Variants in MYH15 observed in about 807,000 individuals in gnomAD.
MYH15 encodes the protein myosin-15.
In MYH15, 227 loss-of-function variants were observed where a neutral mutation model predicts 240.5. That is an observed-to-expected ratio of 0.94 (90% confidence interval 0.85 to 1.05). The LOEUF is 1.05. MYH15 is among the 50% of genes least tolerant of loss of function. The probability of loss-of-function intolerance (pLI) is 0.00; values close to 1 mark genes in which losing one functional copy is unlikely to be tolerated. For synonymous variants in MYH15, 785 were observed against 796.7 expected (o/e 0.99, Z 0.25); for missense variants, 2,217 against 2,247.5 (o/e 0.99, Z 0.27).
In MYH15 at chr3:108,493,134, G is replaced by A. The variant is rs748097818; in HGVS notation, c.755C>T (p.Ser252Leu). The A allele has an allele frequency of 6.8e-6, 11 of 1,614,016 alleles. No individual in the cohort carries two copies. Among genetic ancestry groups the A allele is most frequent in the Non-Finnish European group, 8.5e-6 (10 of 1,179,992 alleles). The stretch of plus-strand genomic sequence containing the variant: ...CTTACAGATATCAATGTCCACAGAT[G>A]ACAGCATGCCTCTGGCACCAAAGTG... The part of the protein sequence containing the change: ...RMHFGARGML[S>L]SVDIDIYLLE... Residue 252 changes from serine to leucine, a missense_variant, in exon 8 of 41, where the codon TCA becomes TTA. Coordinates refer to ENST00000693548, the MANE Select transcript of MYH15 (RefSeq NM_014981.3).
chr3:108,394,245 C>T, intron 35 of MYH15, 89 bp from the exon 36 acceptor site: 1 of 1,550,782 alleles, frequency 6.4e-7, no homozygotes, highest in Non-Finnish European at 8.8e-7. Context: ...TGGGAGTCAG[C>T]TCTGGCCAGA....
rs771580922 is a variant in MYH15 at position 108,410,913 on chromosome 3, A to G, written c.4165T>C (p.Leu1389=). The G allele has an allele frequency of 6.2e-7, 1 of 1,602,236 alleles. No homozygotes were observed. The highest frequency in any genetic ancestry group is 8.5e-7 in the Non-Finnish European group (1 of 1,170,720). ...EDAKKELAIR[L]QEAAEAMGVA... ...CCCATGGCTTCGGCTGCCTCCTGCAATCTAATTGCCAGTTCCTTCCTGAGA... is the reference window on the plus strand; with the variant it reads ...CCCATGGCTTCGGCTGCCTCCTGCAGTCTAATTGCCAGTTCCTTCCTGAGA... Residue 1389 remains leucine (L), a synonymous_variant, in exon 31 of 41, where the codon TTG becomes CTG. Transcript: ENST00000693548.
At chr3:108,500,786 C>T (rs540956276) in intron 3 of MYH15, among the ~76,000 whole-genome samples, 37 of 152,230 alleles carry the variant, frequency 2.4e-4, no homozygotes, top group African/African-American at 7.5e-4. Flanking sequence ...AATGTAATTA[C>T]AGGTTAAGGG....
chr3:108,381,418 G>C lies in MYH15; in HGVS notation c.*127C>G. 9.2e-7 allele frequency: 1 copy of C among 1,085,506 alleles called. No individual in the cohort carries two copies. Among genetic ancestry groups the C allele is most frequent in the South Asian group, 1.3e-5 (1 of 78,076 alleles). 67.2% of individuals were successfully genotyped at this position (1,085,506 alleles called of 1,614,324 possible). On this transcript the variant is annotated 3_prime_UTR_variant, in exon 41 of 41. Coordinates refer to ENST00000693548, the MANE Select transcript of MYH15 (RefSeq NM_014981.3). ...CTTTAATTATTTTTCTAATTGCCTT[G>C]TTTATATGGTGTGAAAAGCAATTTA...
intron 29 of MYH15, 30 bp from the exon 30 acceptor site, chr3:108,414,458 C>A: frequency 6.4e-7 from 1 of 1,574,596 alleles, no homozygotes; most frequent in South Asian, 1.1e-5. Context: ...ACAAAAAGGT[C>A]ATGACCACCA....
rs187218353 is a variant in MYH15 at position 108,399,103 on chromosome 3, G to T, written c.4901C>A (p.Ser1634Tyr). 45 of 1,614,056 alleles carry T rather than the reference G, an allele frequency of 2.8e-5. No individual in the cohort carries two copies. The East Asian group carries it at 9.8e-4, about 35-fold the overall frequency. The change falls in exon 34 of 41, where the codon TCC becomes TAC. Residue 1634 changes from serine to tyrosine, a missense_variant. By Grantham distance (144) the Ser-to-Tyr change is moderately radical (BLOSUM62 -2). Transcript: ENST00000693548. Reference sequence around the variant, plus strand: ...GATTTGAATCTGAAGCTGGCCCAGGGATTTGGTTGCTTCTGACACCTGCCG... The same window carrying T: ...GATTTGAATCTGAAGCTGGCCCAGGTATTTGGTTGCTTCTGACACCTGCCG... Reference protein sequence around the residue: ...ANRQVSEATKSLGQLQIQIKD... With the variant: ...ANRQVSEATKYLGQLQIQIKD...
At chr3:108,457,148 A>ATTGCTT (rs2083029214) in intron 18 of MYH15, among the ~76,000 whole-genome samples, 1 of 152,176 alleles carries the variant, frequency 6.6e-6, no homozygotes, top group Non-Finnish European at 1.5e-5. Context: ...AGATGTTTAT[A>ATTGCTT]AGCAAATATT....
Position 108,398,656 on chromosome 3 carries a change from A to G in MYH15, c.5114T>C (p.Ile1705Thr). ...CCCCACCTGGGTATAGAAAAGATTG[A>G]TTCTTTCTGTTGCTTCCAGGAGCTC... ...EEELLEATER[I>T]NLFYTQNTSL... The change falls in exon 35 of 41, where the codon ATC (isoleucine) becomes ACC (threonine). Residue 1705 changes from isoleucine to threonine, a missense_variant. Transcript: ENST00000693548. 6.2e-7 allele frequency: 1 copy of G among 1,613,322 alleles called. No individual in the cohort carries two copies. Among genetic ancestry groups the G allele is most frequent in the East Asian group, 2.2e-5 (1 of 44,874 alleles).
intron 2 of MYH15, among the ~76,000 whole-genome samples, chr3:108,504,509 C>A (rs2107242944): frequency 6.6e-6 from 1 of 152,132 alleles, no homozygotes; most frequent in East Asian, 1.9e-4. Context: ...TCGTAAATTG[C>A]CTAAAAACAA....
chr3:108,417,481 T>C (rs2082643669), intron 28 of MYH15, among the ~76,000 whole-genome samples: 1 of 152,120 alleles, frequency 6.6e-6, no homozygotes. Context: ...ACTTGTAAGA[T>C]GAAGATAACA....
At chr3:108,548,841 A>T in the MYH15 span, among the ~76,000 whole-genome samples, 1 of 152,130 alleles carries the variant, frequency 6.6e-6, no homozygotes, top group African/African-American at 2.4e-5. Context: ...GTGCTAACTC[A>T]TGACAGAATC....
chr3:108,514,087 C>A (rs1386591573), upstream of MYH15, among the ~76,000 whole-genome samples: 1 of 152,158 alleles, frequency 6.6e-6, no homozygotes, highest in Admixed American at 6.6e-5. Flanking sequence ...TTCCTCTTAG[C>A]CAAGAAAGAA....
At chr3:108,437,741 G>A (rs2082852934) in intron 24 of MYH15, 42 bp from the exon 25 acceptor site, 1 of 1,584,318 alleles carries the variant, frequency 6.3e-7, no homozygotes. Context: ...AATAGGTAGA[G>A]TTTATACTTC....
At chr3:108,391,026 C>T (rs986787158) in intron 37 of MYH15, among the ~76,000 whole-genome samples, 6 of 152,126 alleles carry the variant, frequency 3.9e-5, no homozygotes, top group African/African-American at 1.4e-4. Context: ...ATACGCTTTC[C>T]ACATTGCCCT....
intron 2 of MYH15, among the ~76,000 whole-genome samples, chr3:108,505,111 C>A (rs939358396): frequency 6.6e-6 from 1 of 152,106 alleles, no homozygotes; most frequent in African/African-American, 2.4e-5. Context: ...CATTATTCAC[C>A]CCACAGGATA....
At position 108,398,777 on chromosome 3, in the gene MYH15, C is replaced by T. The variant is rs1165414478; in HGVS notation, c.4993G>A (p.Val1665Met). 13 of 1,614,020 alleles carry T rather than the reference C, an allele frequency of 8.1e-6. No homozygotes were observed. The South Asian group carries it at 1.1e-4, about 14-fold the overall frequency. Residue 1665 changes from valine to methionine, a missense_variant, in exon 35 of 41, where the codon GTG becomes ATG. Coordinates refer to ENST00000693548, the MANE Select transcript of MYH15 (RefSeq NM_014981.3). The part of the protein sequence containing the change: ...LNSDLKEQVA[V>M]AERRNSLLQS... ...AGAAGAGAGTTGCGCCGCTCAGCCA[C>T]AGCCACCTGCTCCTTCAGATCACTG...
chr3:108,459,394 C>T lies in MYH15; in HGVS notation c.1988G>A (p.Arg663Lys), dbSNP rs1420315098. 6.2e-7 allele frequency: 1 copy of T among 1,604,056 alleles called. No individual in the cohort carries two copies. ...TTTGTTCACATTGGGATTTATGCATCTCACAAAATGAGGTGCTGTTGATTT... is the reference window on the plus strand; with the variant it reads ...TTTGTTCACATTGGGATTTATGCATTTCACAAAATGAGGTGCTGTTGATTT... ...NLKSTAPHFV[R>K]CINPNVNKIP... The change falls in exon 18 of 41, where the codon AGA becomes AAA. Residue 663 changes from arginine (R) to lysine (K), a missense_variant. Transcript: ENST00000693548.
At chr3:108,494,992 G>A (rs1339788595) in intron 7 of MYH15, among the ~76,000 whole-genome samples, 1 of 152,112 alleles carries the variant, frequency 6.6e-6, no homozygotes, top group Non-Finnish European at 1.5e-5. Flanking sequence ...TCTACCAGTT[G>A]TTTTATGAAC....
intron 31 of MYH15, 139 bp from the exon 32 acceptor site, chr3:108,408,543 T>C (rs909448657): frequency 3.9e-6 from 3 of 763,354 alleles, no homozygotes; most frequent in African/African-American, 1.8e-5. Flanking sequence ...CTATCCTATA[T>C]GGGACCGAGA....
Sources: allele counts gnomAD v4.1 joint callset (sites outside exome capture counted in the v4.1 genomes callset), GRCh38; gene constraint gnomAD v4.1.1; transcripts MANE v1.5; gene names NCBI Gene and HGNC (gene_info 2026-07-23, HGNC 2026-07-21).